NELL1: variants seen among roughly 807,000 people sequenced by gnomAD.
NELL1 encodes the protein protein kinase C-binding protein NELL1.
Under a neutral mutation model 107.4 loss-of-function variants are expected in NELL1, and 76 were observed. The ratio of observed to expected loss-of-function variants is 0.71; its 90% CI spans 0.59 to 0.86. The LOEUF (loss-of-function observed/expected upper bound fraction) is 0.86, where lower values mean the gene tolerates loss of function less well. NELL1 is among the 40% of genes least tolerant of loss of function. NELL1 has a pLI of 0.00. For missense variants in NELL1, 1,024 were observed against 1,005.5 expected (o/e 1.02, Z -0.25); for synonymous variants, 353 against 341.2 (o/e 1.03, Z -0.38).
chr11:21,202,879 T>C (rs1857301941), intron 13 of NELL1, among the ~76,000 whole-genome samples: 1 of 151,970 alleles, frequency 6.6e-6, no homozygotes, highest in Non-Finnish European at 1.5e-5. Context: ...AATTTCATTA[T>C]TTACCCAGTA....
chr11:20,692,546 C>CGA (rs1384106700), intron 2 of NELL1, among the ~76,000 whole-genome samples: 5 of 150,432 alleles, frequency 3.3e-5, no homozygotes, highest in Non-Finnish European at 5.9e-5. Context: ...CTTATGTACC[C>CGA]AGTAGTCATT....
chr11:21,530,098 G>A (rs577259459), intron 15 of NELL1, among the ~76,000 whole-genome samples: 6 of 152,222 alleles, frequency 3.9e-5, no homozygotes, highest in African/African-American at 1.4e-4. Context: ...TGGGGCAAAT[G>A]TACTAGCACA....
At chr11:21,248,930 A>G (rs1858566883) in intron 14 of NELL1, among the ~76,000 whole-genome samples, 1 of 152,116 alleles carries the variant, frequency 6.6e-6, no homozygotes, top group Non-Finnish European at 1.5e-5. Flanking sequence ...GAAGAACATG[A>G]TGACAGGGAA....
intron 15 of NELL1, among the ~76,000 whole-genome samples, chr11:21,483,884 C>T (rs11026104): frequency 0.41 from 49,204 of 118,748 alleles, 9,565 homozygotes; most frequent in Middle Eastern, 0.55. Context: ...CACACACACA[C>T]ATATATATAT....
At chr11:21,059,669 A>C (rs1178990253) in intron 12 of NELL1, among the ~76,000 whole-genome samples, 2 of 152,138 alleles carry the variant, frequency 1.3e-5, no homozygotes, top group African/African-American at 4.8e-5. Flanking sequence ...CCTACTCTGT[A>C]GGACAGTAGT....
chr11:21,443,009 T>C lies in NELL1; in HGVS notation c.1645+72061T>C, dbSNP rs540072080. Among the ~76,000 whole-genome samples the C allele has an allele frequency of 1.7e-4, 24 of 138,156 alleles. No individual in the cohort carries two copies. The South Asian group carries it at 3.7e-3, about 22-fold the overall frequency. 90.6% of individuals were successfully genotyped at this position (138,156 alleles called of 152,430 possible). A position where few individuals can be genotyped will look rare whatever the true frequency, so the allele number is the denominator to read the frequency against. On this transcript the variant is annotated intron_variant, in intron 15 of 19. Transcript: ENST00000357134. ...CCTATTTTATTCCATGTTTTGCTGC[T>C]ATAACAGAATACTACATACAGGGTA...
At chr11:20,999,267 T>C (rs1264616469) in intron 12 of NELL1, among the ~76,000 whole-genome samples, 1 of 152,198 alleles carries the variant, frequency 6.6e-6, no homozygotes, top group Non-Finnish European at 1.5e-5. Flanking sequence ...TTGCCCATCA[T>C]TCTTGGCTCC....
intron 12 of NELL1, among the ~76,000 whole-genome samples, chr11:21,106,092 G>C (rs1010631985): frequency 3.3e-5 from 5 of 151,104 alleles, no homozygotes; most frequent in Non-Finnish European, 7.4e-5. Flanking sequence ...TGTTTTGCTT[G>C]GTTCAAAATG....
chr11:20,936,734 C>A lies in NELL1; in HGVS notation c.998-1052C>A, dbSNP rs11025818. Among the ~76,000 whole-genome samples the A allele has an allele frequency of 5.9e-5, 9 of 152,258 alleles. No homozygotes were observed. The South Asian group carries it at 1.9e-3, about 32-fold the overall frequency. ...ATTACCAGTTAGCATGTTGCCTGCCCTTTAGTAACACTAGAATATTATTTG... is the reference window on the plus strand; with the variant it reads ...ATTACCAGTTAGCATGTTGCCTGCCATTTAGTAACACTAGAATATTATTTG... On this transcript the variant is annotated intron_variant, in intron 9 of 19. Transcript: ENST00000357134.
intron 12 of NELL1, among the ~76,000 whole-genome samples, chr11:21,047,079 A>T (rs1371462459): frequency 6.6e-6 from 1 of 152,104 alleles, no homozygotes; most frequent in South Asian, 2.1e-4. Context: ...GAATAAAGAT[A>T]CAAGTATAGA....
At chr11:20,898,227 A>T (rs1404881324) in intron 5 of NELL1, among the ~76,000 whole-genome samples, 1 of 152,222 alleles carries the variant, frequency 6.6e-6, no homozygotes, top group Non-Finnish European at 1.5e-5. Flanking sequence ...ACACCGTGGA[A>T]TACCATGCAG....
At chr11:21,004,400 C>T (rs911804073) in intron 12 of NELL1, among the ~76,000 whole-genome samples, 1 of 151,856 alleles carries the variant, frequency 6.6e-6, no homozygotes, top group Non-Finnish European at 1.5e-5. Context: ...TTGTCTTGCT[C>T]GATTATGATT....
At chr11:21,375,912 G>A (rs1031196424) in intron 15 of NELL1, among the ~76,000 whole-genome samples, 21 of 151,574 alleles carry the variant, frequency 1.4e-4, no homozygotes, top group Non-Finnish European at 2.4e-4. Context: ...TTTGCTTGTT[G>A]AATTGCTTAT....
At chr11:21,382,845 G>T (rs1349928148) in intron 15 of NELL1, among the ~76,000 whole-genome samples, 6 of 151,920 alleles carry the variant, frequency 3.9e-5, no homozygotes, top group African/African-American at 7.2e-5. Flanking sequence ...CTACTGAACT[G>T]TGAAAGTCAA....
intron 3 of NELL1, among the ~76,000 whole-genome samples, chr11:20,846,629 T>G (rs1848706135): frequency 6.6e-6 from 1 of 152,124 alleles, no homozygotes; most frequent in Admixed American, 6.5e-5. Flanking sequence ...AATTTAGATC[T>G]AAGTTTAAGT....
chr11:21,071,542 C>T (rs751694077), intron 12 of NELL1, among the ~76,000 whole-genome samples: 23 of 152,132 alleles, frequency 1.5e-4, no homozygotes, highest in Non-Finnish European at 2.2e-4. Context: ...ATGACATTTC[C>T]GAAGGCAGCC....
At chr11:21,082,576 C>T (rs117086545) in intron 12 of NELL1, among the ~76,000 whole-genome samples, 1,838 of 152,240 alleles carry the variant, frequency 0.012, 27 homozygotes, top group Admixed American at 0.044. Context: ...CCAGGAAGTT[C>T]GTGGTTTAAA....
intron 3 of NELL1, among the ~76,000 whole-genome samples, chr11:20,784,625 C>A (rs1489103510): frequency 6.6e-6 from 1 of 152,132 alleles, no homozygotes; most frequent in Non-Finnish European, 1.5e-5. Flanking sequence ...GTACTGAAGT[C>A]CCCTAGGCAA....
intron 15 of NELL1, among the ~76,000 whole-genome samples, chr11:21,423,055 G>A (rs768347049): frequency 6.6e-5 from 10 of 152,060 alleles, no homozygotes; most frequent in Admixed American, 1.3e-4. Context: ...ATAAAAAATA[G>A]ACTCTAAGTT....
Sources: gnomAD v4.1 joint callset for allele counts (sites outside exome capture counted in the v4.1 genomes callset) on GRCh38, gnomAD v4.1.1 for gene constraint, MANE v1.5 for transcripts, NCBI Gene and HGNC (gene_info 2026-07-23, HGNC 2026-07-21) for gene names.